The following ANKFN1 variants were observed in gnomAD, a reference collection of about 807,000 sequenced individuals.
ANKFN1 encodes ankyrin repeat and fibronectin type III domain containing 1, also known as ankyrin repeat and fibronectin type-III domain-containing protein 1.
A neutral mutation model predicts 108.7 loss-of-function variants in ANKFN1; 74 were observed. That is an observed-to-expected ratio of 0.68 (90% CI 0.56 to 0.83). The LOEUF (loss-of-function observed/expected upper bound fraction) is 0.83, where lower values mean the gene tolerates loss of function less well. ANKFN1 is among the 40% of genes least tolerant of loss of function. The probability of loss-of-function intolerance (pLI) is 0.00; values close to 1 mark genes in which losing one functional copy is unlikely to be tolerated. For missense variants in ANKFN1, 1,505 were observed against 1,382.3 expected, an observed-to-expected ratio of 1.09 and a Z score of -1.41; for synonymous variants, 547 against 516.2, an observed-to-expected ratio of 1.06 and a Z score of -0.81.
intron 3 of ANKFN1, among the ~76,000 whole-genome samples, chr17:56,274,506 G>C (rs1266219163): frequency 6.6e-6 from 1 of 152,100 alleles, no homozygotes; most frequent in African/African-American, 2.4e-5. Flanking sequence ...TCTACTATAG[G>C]CAGAAGCTCT....
At chr17:56,451,485 T>G in intron 11 of ANKFN1, among the ~76,000 whole-genome samples, 1 of 152,170 alleles carries the variant, frequency 6.6e-6, no homozygotes, top group East Asian at 1.9e-4. Context: ...ATTTAAAATA[T>G]TCAAATACAT....
At chr17:56,345,431 T>G (rs750659264) in intron 4 of ANKFN1, among the ~76,000 whole-genome samples, 1 of 152,162 alleles carries the variant, frequency 6.6e-6, no homozygotes, top group Non-Finnish European at 1.5e-5. Context: ...CTGGGTCAAA[T>G]GATATTTCTG....
chr17:56,250,138 T>C (rs778693873), intron 3 of ANKFN1, among the ~76,000 whole-genome samples: 5 of 152,176 alleles, frequency 3.3e-5, no homozygotes, highest in African/African-American at 4.8e-5. Flanking sequence ...AACCCAAGGA[T>C]ACTCCCTTCT....
At chr17:56,216,643 G>C (rs1326813573) in intron 2 of ANKFN1, among the ~76,000 whole-genome samples, 2 of 152,188 alleles carry the variant, frequency 1.3e-5, no homozygotes, top group African/African-American at 4.8e-5. Context: ...TAGATGATGT[G>C]CTCTGCTAGA....
At chr17:56,087,447 C>T (rs563767701) in intron 4 of ANKFN1, among the ~76,000 whole-genome samples, 1 of 151,360 alleles carries the variant, frequency 6.6e-6, no homozygotes, top group Non-Finnish European at 1.5e-5. Flanking sequence ...TCTCTCTACT[C>T]AGCACTCTCT....
At chr17:56,364,158 T>C (rs2046598858) in intron 6 of ANKFN1, among the ~76,000 whole-genome samples, 1 of 152,182 alleles carries the variant, frequency 6.6e-6, no homozygotes, top group Non-Finnish European at 1.5e-5. Flanking sequence ...TTATTCCACA[T>C]TGTATTCACA....
chr17:56,164,611 G>A (rs1467042084), intron 1 of ANKFN1, among the ~76,000 whole-genome samples: 2 of 152,156 alleles, frequency 1.3e-5, no homozygotes, highest in South Asian at 2.1e-4. Flanking sequence ...TCAACAATCT[G>A]GAAGTTCTGG....
chr17:56,185,866 C>T (rs1161195897), intron 1 of ANKFN1, among the ~76,000 whole-genome samples: 1 of 152,030 alleles, frequency 6.6e-6, no homozygotes, highest in Non-Finnish European at 1.5e-5. Context: ...CAGGACTCTG[C>T]CAGAATTGTA....
intron 1 of ANKFN1, among the ~76,000 whole-genome samples, chr17:56,165,986 T>C (rs1354174022): frequency 6.6e-6 from 1 of 152,158 alleles, no homozygotes; most frequent in Non-Finnish European, 1.5e-5. Context: ...CACATTTCAG[T>C]CTGCCTACCA....
At chr17:56,255,635 A>G (rs952610277) in intron 3 of ANKFN1, among the ~76,000 whole-genome samples, 1 of 152,232 alleles carries the variant, frequency 6.6e-6, no homozygotes, top group Non-Finnish European at 1.5e-5. Flanking sequence ...CTGTTTACAA[A>G]GCAAGAAGGT....
At chr17:56,200,761 A>G (rs1323347784) in intron 1 of ANKFN1, among the ~76,000 whole-genome samples, 2 of 152,198 alleles carry the variant, frequency 1.3e-5, no homozygotes, top group African/African-American at 4.8e-5. Flanking sequence ...ATATATAGAG[A>G]GTAACATCTC....
intron 8 of ANKFN1, among the ~76,000 whole-genome samples, chr17:56,421,309 A>G (rs2048398185): frequency 6.6e-6 from 1 of 152,208 alleles, no homozygotes; most frequent in Non-Finnish European, 1.5e-5. Context: ...AGGAACACAT[A>G]GGCACTGGGT....
intron 1 of ANKFN1, chr17:56,206,708 G>A (rs866427836): frequency 1.3e-5 from 2 of 152,254 alleles, no homozygotes; most frequent in Non-Finnish European, 1.5e-5. Flanking sequence ...TGTGCCAAGC[G>A]ATATGAAGAA....
intron 1 of ANKFN1, among the ~76,000 whole-genome samples, chr17:56,210,082 A>ATAGATAGG (rs1406711704): frequency 8.5e-5 from 13 of 152,068 alleles, no homozygotes; most frequent in Non-Finnish European, 1.8e-4. Context: ...AGATAGATAG[A>ATAGATAGG]TAGATAGATA....
intron 4 of ANKFN1, among the ~76,000 whole-genome samples, chr17:56,098,999 C>T (rs572983061): frequency 8.5e-5 from 13 of 152,272 alleles, no homozygotes; most frequent in African/African-American, 2.9e-4. Context: ...CCCGTCCACA[C>T]CTGCCAAGTT....
intron 8 of ANKFN1, among the ~76,000 whole-genome samples, chr17:56,429,561 C>T (rs1412502201): frequency 6.6e-6 from 1 of 152,224 alleles, no homozygotes; most frequent in South Asian, 2.1e-4. Flanking sequence ...ACAGGCTATA[C>T]AGAGACAGGC....
At position 56,093,001 on chromosome 17, in the gene ANKFN1, C is replaced by T. The variant is rs1322162522; in HGVS notation, c.288+46676C>T. On this transcript the variant is annotated intron_variant, in intron 4 of 12. Coordinates refer to the ANKFN1 transcript ENST00000635860. ...GTTCCTGTGATTAGATTAGGTTCAC[C>T]TGGCTAGCATGCCTTTTGATTAATT... Among the ~76,000 whole-genome samples the T allele has an allele frequency of 4.6e-5, 7 of 151,092 alleles. 1 individual carries two copies. The highest frequency in any genetic ancestry group is 1.5e-4 in the African/African-American group (6 of 41,148).
chr17:56,364,239 A>G (rs955012675), intron 6 of ANKFN1, among the ~76,000 whole-genome samples: 2 of 152,164 alleles, frequency 1.3e-5, no homozygotes, highest in Admixed American at 1.3e-4. Context: ...TAAAATTTAA[A>G]AAAGAAATGT....
intron 8 of ANKFN1, among the ~76,000 whole-genome samples, chr17:56,414,925 T>C (rs1420162151): frequency 1.3e-5 from 2 of 151,870 alleles, no homozygotes; most frequent in African/African-American, 4.8e-5. Context: ...GGGTCTGAGA[T>C]GGGAGGATCA....
Sources: gnomAD v4.1 joint callset for allele counts (sites outside exome capture counted in the v4.1 genomes callset) on GRCh38, gnomAD v4.1.1 for gene constraint, MANE v1.5 for transcripts, NCBI Gene and HGNC (gene_info 2026-07-23, HGNC 2026-07-21) for gene names.